Variants in NCLN observed in about 807,000 individuals in gnomAD.
NCLN encodes the protein BOS complex subunit NCLN.
In NCLN, 34 loss-of-function variants were observed where a neutral mutation model predicts 69.5. The observed-to-expected ratio is 0.49, with a 90% CI of 0.37 to 0.65. The LOEUF (loss-of-function observed/expected upper bound fraction) is 0.65, where lower values mean the gene tolerates loss of function less well. Among genes scored for constraint, NCLN ranks in the 30% least tolerant of loss-of-function variants. The probability of loss-of-function intolerance (pLI) is 0.00; values close to 1 mark genes in which losing one functional copy is unlikely to be tolerated. For synonymous variants in NCLN, 393 were observed against 358.3 expected (o/e 1.10, Z -1.09); for missense variants, 710 against 804.8 (o/e 0.88, Z 1.42).
At chr19:3,196,381 A>G (rs1411696525) in intron 4 of NCLN, 104 bp downstream of exon 4, 10 of 825,596 alleles carry the variant, frequency 1.2e-5, no homozygotes, top group East Asian at 5.7e-5. Flanking sequence ...CTGATGGGAA[A>G]CTGGAGTCGG....
At chr19:3,207,160 G>T in intron 12 of NCLN, 38 bp from the exon 13 acceptor site, 1 of 1,610,086 alleles carries the variant, frequency 6.2e-7, no homozygotes, top group Non-Finnish European at 8.5e-7. Context: ...AATTAGCTGG[G>T]CGCAGTGGTG....
At chr19:3,198,011 C>T (rs556220798) in intron 4 of NCLN, among the ~76,000 whole-genome samples, 4 of 152,350 alleles carry the variant, frequency 2.6e-5, no homozygotes, top group African/African-American at 9.6e-5. Context: ...ACCATCTGGT[C>T]CCCAAGGCTG....
chr19:3,202,351 C>T (rs1599357331), intron 6 of NCLN, among the ~76,000 whole-genome samples: 1 of 152,280 alleles, frequency 6.6e-6, no homozygotes, highest in African/African-American at 2.4e-5. Flanking sequence ...ATGCAGGCTT[C>T]GTCCCCGTGG....
chr19:3,192,434 C>T (rs753049011), intron 1 of NCLN, 36 bp from the exon 2 acceptor site: 2 of 1,528,524 alleles, frequency 1.3e-6, no homozygotes, highest in Admixed American at 2.1e-5. Context: ...GCCTGGCCAC[C>T]CGCCGAGGCT....
At position 3,186,164 on chromosome 19, in the gene NCLN, A is replaced by G; in HGVS notation, c.134A>G (p.Glu45Gly). The G allele has an allele frequency of 1.9e-6, 3 of 1,595,998 alleles. No individual in the cohort carries two copies. Among genetic ancestry groups the G allele is most frequent in the Non-Finnish European group, 2.6e-6 (3 of 1,173,632 alleles). ...PPLPAADAAH[E>G]FTVYRMQQYD... ...CTGCCTGCCGCCGACGCCGCGCACG[A>G]GTTCACCGTGTACCGCATGCAGCAG... Residue 45 changes from glutamate to glycine, a missense_variant, in exon 1 of 15, where the codon GAG becomes GGG. By Grantham distance (98) the Glu-to-Gly change is moderately conservative (BLOSUM62 -2). Transcript: ENST00000246117.
At chr19:3,203,041 C>G (rs1035781356) in intron 6 of NCLN, among the ~76,000 whole-genome samples, 1 of 152,166 alleles carries the variant, frequency 6.6e-6, no homozygotes, top group Non-Finnish European at 1.5e-5. Flanking sequence ...TTTGGCCTGC[C>G]TGGGTGGCTT....
chr19:3,189,828 C>G (rs956299172), intron 1 of NCLN, among the ~76,000 whole-genome samples: 1 of 152,214 alleles, frequency 6.6e-6, no homozygotes, highest in East Asian at 1.9e-4. Context: ...GGGCCCCGAG[C>G]GAGCGGGGGC....
intron 5 of NCLN, among the ~76,000 whole-genome samples, chr19:3,199,655 T>C (rs533074316): frequency 2.0e-5 from 3 of 150,070 alleles, no homozygotes; most frequent in African/African-American, 7.4e-5. Flanking sequence ...TGGGGGGGCA[T>C]GTACCACGGT....
chr19:3,203,160 T>C (rs568024930), intron 6 of NCLN, among the ~76,000 whole-genome samples: 2 of 152,020 alleles, frequency 1.3e-5, no homozygotes, highest in Admixed American at 6.6e-5. Flanking sequence ...AATACAAAAT[T>C]AGCCAGGTGT....
Position 3,207,768 on chromosome 19 carries a change from C to G in NCLN, c.*80C>G, listed in dbSNP as rs770768369. The G allele has an allele frequency of 7.7e-7, 1 of 1,306,308 alleles. No individual in the cohort carries two copies. Among genetic ancestry groups the G allele is most frequent in the East Asian group, 2.3e-5 (1 of 42,934 alleles). The allele number at this position is 1,306,308 out of a possible 1,614,324, so 80.9% of individuals were successfully genotyped here. On this transcript the variant is annotated 3_prime_UTR_variant, in exon 15 of 15. Transcript: ENST00000246117. ...CACGAGTGAGTGGACACTGCCCCGC[C>G]GCGGGCGGCCCTGCAGGGACAGGGG...
At position 3,192,719 on chromosome 19, in the gene NCLN, C is replaced by T; in HGVS notation, c.375+59C>T. Reference sequence around the variant, plus strand: ...CCAGAGCTGCGGCGGGAGTTGGAGGCAACTGTGTGACCCTAGGCGGGTCAC... The same window carrying T: ...CCAGAGCTGCGGCGGGAGTTGGAGGTAACTGTGTGACCCTAGGCGGGTCAC... On this transcript the variant is annotated intron_variant, in intron 2 of 14. Transcript: ENST00000246117. 6.3e-6 allele frequency: 9 copies of T among 1,437,340 alleles called. No homozygotes were observed. In the South Asian group the frequency reaches 1.3e-4, roughly 21 times the overall value. 89.0% of individuals were successfully genotyped at this position (1,437,340 alleles called of 1,614,324 possible).
chr19:3,190,701 C>T (rs1915797312), intron 1 of NCLN, among the ~76,000 whole-genome samples: 1 of 152,168 alleles, frequency 6.6e-6, no homozygotes, highest in Non-Finnish European at 1.5e-5. Flanking sequence ...GTGCTTCCTG[C>T]ACGGGTCTCA....
intron 12 of NCLN, among the ~76,000 whole-genome samples, chr19:3,206,843 A>T (rs1167606779): frequency 6.6e-6 from 1 of 152,114 alleles, no homozygotes; most frequent in Non-Finnish European, 1.5e-5. Flanking sequence ...TGTCTTTGAG[A>T]TGGAGTCTTC....
intron 1 of NCLN, among the ~76,000 whole-genome samples, chr19:3,189,237 C>T (rs1329797584): frequency 2.6e-5 from 4 of 152,164 alleles, no homozygotes; most frequent in Non-Finnish European, 5.9e-5. Context: ...GCTCGTTGAG[C>T]TTATGGCCCA....
At chr19:3,190,601 A>G (rs1404631506) in intron 1 of NCLN, among the ~76,000 whole-genome samples, 1 of 152,094 alleles carries the variant, frequency 6.6e-6, no homozygotes, top group East Asian at 1.9e-4. Flanking sequence ...AGATGAGAGA[A>G]TGAGGGTCCC....
intron 5 of NCLN, among the ~76,000 whole-genome samples, chr19:3,200,310 G>GTTTTTTTTTTTTTTTTTTTTTTT (rs539601039): frequency 8.7e-6 from 1 of 114,890 alleles, no homozygotes. Flanking sequence ...TTTTATTTAT[G>GTTTTTTTTTTTTTTTTTTTTTTT]TATTTTTTTT....
rs892135026 is a variant in NCLN, at chr19:3,205,901, A to G, written c.1209-38A>G. ...TGTGAGAGCTACCTTGCCTGGCCCA[A>G]AGTCCACATTTTAAAACATTGTTTT... is the stretch of plus-strand genomic sequence containing the variant. On this transcript the variant is annotated intron_variant, in intron 9 of 14. Transcript: ENST00000246117. This position sits in a 1 kb window ranked among gnomAD's most constrained non-coding sequence, Gnocchi z 4.6. The G allele has an allele frequency of 6.2e-7, 1 of 1,605,686 alleles. No homozygotes were observed. The highest frequency in any genetic ancestry group is 8.5e-7 in the Non-Finnish European group (1 of 1,173,108).
chr19:3,201,467 T>C (rs1390715034), intron 5 of NCLN, 56 bp from the exon 6 acceptor site: 3 of 1,308,300 alleles, frequency 2.3e-6, no homozygotes, highest in Middle Eastern at 3.8e-4. Flanking sequence ...GCGGAGGTCA[T>C]GGGGTGCGGG....
At chr19:3,196,681 C>A (rs1392909576) in intron 4 of NCLN, among the ~76,000 whole-genome samples, 1 of 152,238 alleles carries the variant, frequency 6.6e-6, no homozygotes, top group Non-Finnish European at 1.5e-5. Flanking sequence ...TCCTCACAGA[C>A]CCTTCCGAGC....
Sources: allele counts gnomAD v4.1 joint callset (sites outside exome capture counted in the v4.1 genomes callset), GRCh38; gene constraint gnomAD v4.1.1; non-coding constraint Gnocchi (gnomAD v3.1); transcripts MANE v1.5; gene names NCBI Gene and HGNC (gene_info 2026-07-23, HGNC 2026-07-21).